Variants in TDRD12 observed in about 807,000 individuals in gnomAD.
TDRD12 encodes the protein tudor domain containing 12.
In TDRD12, 158 loss-of-function variants were observed where a neutral mutation model predicts 133.5. The ratio of observed to expected loss-of-function variants is 1.18; its 90% confidence interval spans 1.04 to 1.35. The LOEUF is 1.35. Ranked by LOEUF, TDRD12 falls within the 40% of genes most tolerant of loss-of-function variation. The pLI is 0.00. For synonymous variants in TDRD12, 460 were observed against 477.9 expected, an observed-to-expected ratio of 0.96 and a Z score of 0.49; for missense variants, 1,443 against 1,321.3, an observed-to-expected ratio of 1.09 and a Z score of -1.43.
exon 1 of TDRD12, chr19:32,719,805 C>G: frequency 1.8e-6 from 1 of 560,936 alleles, no homozygotes; most frequent in Non-Finnish European, 3.2e-6. Flanking sequence ...GTGCGGGAGG[C>G]CCGAGGCCAG....
At chr19:32,745,247 C>T (rs1332517398) in intron 4 of TDRD12, among the ~76,000 whole-genome samples, 1 of 152,218 alleles carries the variant, frequency 6.6e-6, no homozygotes, top group Non-Finnish European at 1.5e-5. Context: ...CTTTCTTGAC[C>T]TTCTCTGCAT....
intron 8 of TDRD12, among the ~76,000 whole-genome samples, chr19:32,767,009 C>T (rs1315119867): frequency 1.3e-5 from 2 of 152,086 alleles, no homozygotes; most frequent in African/African-American, 4.8e-5. Flanking sequence ...CAGTATTACG[C>T]ACTTCATGGA....
chr19:32,736,088 A>G (rs1969214505), intron 2 of TDRD12, among the ~76,000 whole-genome samples: 2 of 152,198 alleles, frequency 1.3e-5, no homozygotes, highest in African/African-American at 4.8e-5. Context: ...GTACTCATTT[A>G]CCATTCCAAA....
At chr19:32,775,665 T>C (rs1193445984) in intron 10 of TDRD12, among the ~76,000 whole-genome samples, 1 of 152,078 alleles carries the variant, frequency 6.6e-6, no homozygotes, top group Non-Finnish European at 1.5e-5. Flanking sequence ...TTCCTTGTTT[T>C]TTTTTTTCAA....
At chr19:32,811,496 C>T in intron 24 of TDRD12, 76 bp downstream of exon 24, 1 of 1,344,354 alleles carries the variant, frequency 7.4e-7, no homozygotes, top group Non-Finnish European at 1.0e-6. Flanking sequence ...GAATTGAGGC[C>T]TGTCTGGATT....
At chr19:32,808,273 A>T (rs2112918) in intron 22 of TDRD12, among the ~76,000 whole-genome samples, 2 of 151,876 alleles carry the variant, frequency 1.3e-5, no homozygotes, top group South Asian at 4.1e-4. Flanking sequence ...CCCTTAGAGC[A>T]GTATCTGTTG....
In TDRD12 at chr19:32,743,889, G is replaced by A. The variant is rs568390391; in HGVS notation, c.440+989G>A. Among the ~76,000 whole-genome samples the A allele has an allele frequency of 2.2e-4, 33 of 151,958 alleles. No individual in the cohort carries two copies. In the East Asian group the frequency reaches 6.1e-3, roughly 28 times the overall value. On this transcript the variant is annotated intron_variant, in intron 4 of 27. Transcript: ENST00000444215. The stretch of plus-strand genomic sequence containing the variant: ...ACTAAAAATACAAAATTAGCCTGGC[G>A]TGGTGGTAGGCATCTGTAATCCCAG...
chr19:32,747,725 G>A (rs894941879), intron 4 of TDRD12, among the ~76,000 whole-genome samples: 8 of 152,118 alleles, frequency 5.3e-5, no homozygotes, highest in African/African-American at 1.9e-4. Context: ...TATAGTAGCC[G>A]AGACCCAGTG....
At chr19:32,724,070 G>A (rs1379635063) in intron 1 of TDRD12, among the ~76,000 whole-genome samples, 1 of 151,954 alleles carries the variant, frequency 6.6e-6, no homozygotes, top group South Asian at 2.1e-4. Context: ...TGTTGCCCAG[G>A]CTGGTTTCTC....
At chr19:32,719,978 C>T (rs1968567941) in exon 1 of TDRD12, 14 of 1,451,758 alleles carry the variant, frequency 9.6e-6, no homozygotes, top group South Asian at 1.2e-5. Flanking sequence ...GCACTCGCGG[C>T]GGGGGCCTGG....
At chr19:32,779,262 C>T (rs1970694203) in intron 11 of TDRD12, among the ~76,000 whole-genome samples, 1 of 152,178 alleles carries the variant, frequency 6.6e-6, no homozygotes, top group African/African-American at 2.4e-5. Context: ...TGCCAGGGGC[C>T]AGGTGTCCCA....
At chr19:32,753,570 C>T (rs1370892950) in intron 6 of TDRD12, among the ~76,000 whole-genome samples, 2 of 151,770 alleles carry the variant, frequency 1.3e-5, no homozygotes, top group Non-Finnish European at 2.9e-5. Context: ...CTGGCGCGAT[C>T]TCTGCTCACT....
chr19:32,815,349 G>T, intron 25 of TDRD12, 99 bp from the exon 26 acceptor site: 1 of 1,021,732 alleles, frequency 9.8e-7, no homozygotes, highest in Non-Finnish European at 1.4e-6. Context: ...AGCCAACGTG[G>T]CAGGCTGAAT....
chr19:32,779,797 C>T (rs1052987882), intron 11 of TDRD12, among the ~76,000 whole-genome samples: 4 of 152,148 alleles, frequency 2.6e-5, no homozygotes, highest in African/African-American at 9.7e-5. Context: ...ACAATGCAGC[C>T]ATATGTGCTG....
chr19:32,821,366 CAG>C (rs1215962567), downstream of TDRD12: 9 of 484,822 alleles, frequency 1.9e-5, no homozygotes, highest in African/African-American at 4.9e-5. Context: ...AACAGCTCAG[CAG>C]AGTGTGTGTG....
At position 32,741,767 on chromosome 19, in the gene TDRD12, G is replaced by T. The variant is rs138527808; in HGVS notation, c.321-1014G>T. ...AATAGTACGTGGAAGTGGTTTTTCG[G>T]CCAGGGGTGGTGGCTCACGCCTGTA... is the stretch of plus-strand genomic sequence containing the variant. On this transcript the variant is annotated intron_variant, in intron 3 of 27. Coordinates refer to ENST00000444215, the Ensembl canonical transcript of TDRD12. Among the ~76,000 whole-genome samples, 8 of 152,238 alleles carry T rather than the reference G, an allele frequency of 5.3e-5. No individual in the cohort carries two copies. The South Asian group carries it at 1.2e-3, about 24-fold the overall frequency.
At chr19:32,747,078 G>C (rs1249159565) in intron 4 of TDRD12, among the ~76,000 whole-genome samples, 1 of 151,650 alleles carries the variant, frequency 6.6e-6, no homozygotes, top group Non-Finnish European at 1.5e-5. Flanking sequence ...GTGAGAGAGG[G>C]AGAGTGACTG....
intron 19 of TDRD12, among the ~76,000 whole-genome samples, chr19:32,802,328 T>C (rs1163013130): frequency 6.6e-6 from 1 of 150,782 alleles, no homozygotes; most frequent in East Asian, 1.9e-4. Context: ...TATGACTATA[T>C]ACATATGACT....
chr19:32,762,831 TTGGTGTGCAAACATCATAG>T (rs1261440346), intron 8 of TDRD12, among the ~76,000 whole-genome samples: 1 of 152,190 alleles, frequency 6.6e-6, no homozygotes, highest in African/African-American at 2.4e-5. Flanking sequence ...TTAGGTGATT[TTGGTGTGCAAACATCATAG>T]GGTGTACTTA....
Sources: allele counts gnomAD v4.1 joint callset (sites outside exome capture counted in the v4.1 genomes callset), GRCh38; gene constraint gnomAD v4.1.1; transcripts MANE v1.5; gene names NCBI Gene and HGNC (gene_info 2026-07-23, HGNC 2026-07-21).